Variants in SSTR1 observed in about 807,000 individuals in gnomAD.
SSTR1 encodes somatostatin receptor 1.
A neutral mutation model predicts 20.7 loss-of-function variants in SSTR1; 10 were observed. The observed-to-expected ratio is 0.48, with a 90% confidence interval of 0.30 to 0.82. The LOEUF is 0.82. Ranked by LOEUF, SSTR1 falls within the 40% of genes least tolerant of loss-of-function variation. The pLI, the probability that SSTR1 is intolerant of heterozygous loss-of-function variation, is 0.07. For missense variants in SSTR1, 494 were observed against 540.0 expected (o/e 0.91, Z 0.84); for synonymous variants, 267 against 227.8 (o/e 1.17, Z -1.55).
chr14:38,211,796 C>T lies in SSTR1; in HGVS notation c.*1231C>T, dbSNP rs1883336044. On this transcript the variant is annotated 3_prime_UTR_variant, in exon 3 of 3. Transcript: ENST00000267377. The stretch of plus-strand genomic sequence containing the variant: ...CAAGCGGTGCCTAAGAAGTTATTTT[C>T]TTGTTTAACATATATATTTATTAAT... 6.0e-6 allele frequency: 1 copy of T among 167,100 alleles called. No individual in the cohort carries two copies. The highest frequency in any genetic ancestry group is 1.5e-5 in the Non-Finnish European group (1 of 68,138). The allele number at this position is 167,100 out of a possible 1,614,324, so 10.4% of individuals were successfully genotyped here. A position where few individuals can be genotyped will look rare whatever the true frequency, so the allele number is the denominator to read the frequency against.
rs1167125985 is a variant in SSTR1 at position 38,210,147 on chromosome 14, T to C, written c.758T>C (p.Val253Ala). ...CTCATCATTGCTAAGATGCGCATGG[T>C]GGCCCTCAAGGCCGGCTGGCAGCAG... ...YVLIIAKMRM[V>A]ALKAGWQQRK... The change falls in exon 3 of 3, where the codon GTG (valine) becomes GCG (alanine). Residue 253 changes from valine (V) to alanine (A), a missense_variant. This residue lies in a region of SSTR1 where 280 missense variants were observed against 286.1 expected (regional missense o/e 0.98). Transcript: ENST00000267377. 1 of 1,614,270 alleles carries C rather than the reference T, an allele frequency of 6.2e-7. No individual in the cohort carries two copies.
chr14:38,209,455 C>T lies in SSTR1; in HGVS notation c.66C>T (p.Gly22=). 1.3e-6 allele frequency: 2 copies of T among 1,553,712 alleles called. No homozygotes were observed. Among genetic ancestry groups the T allele is most frequent in the South Asian group, 1.2e-5 (1 of 80,224 alleles). Residue 22 remains glycine, a synonymous_variant, in exon 3 of 3, where the codon GGC becomes GGT. Transcript: ENST00000267377. ...CTAGCCCCAGCCCGGGCAGCTGCGG[C>T]GAAGGCGGCGGCAGCAGGGGCCCCG... ...SSPSPSPGSC[G]EGGGSRGPGA...
At position 38,209,453 on chromosome 14, in the gene SSTR1, G is replaced by A. The variant is rs979959821; in HGVS notation, c.64G>A (p.Gly22Ser). The change falls in exon 3 of 3, where the codon GGC becomes AGC. Residue 22 changes from glycine to serine, a missense_variant. Gly to Ser is a moderately conservative substitution (Grantham distance 56). Coordinates refer to ENST00000267377, the MANE Select transcript of SSTR1 (RefSeq NM_001049.3). ...TCCTAGCCCCAGCCCGGGCAGCTGCGGCGAAGGCGGCGGCAGCAGGGGCCC... is the reference window on the plus strand; with the variant it reads ...TCCTAGCCCCAGCCCGGGCAGCTGCAGCGAAGGCGGCGGCAGCAGGGGCCC... ...SSPSPSPGSCGEGGGSRGPGA... is the reference protein window; with the variant it reads ...SSPSPSPGSCSEGGGSRGPGA... 2 of 1,553,006 alleles carry A rather than the reference G, an allele frequency of 1.3e-6. No homozygotes were observed. Among genetic ancestry groups the A allele is most frequent in the African/African-American group, 1.4e-5 (1 of 73,230 alleles).
In SSTR1 at chr14:38,212,818, A is replaced by G. The variant is rs1883355091; in HGVS notation, c.*2253A>G. On this transcript the variant is annotated 3_prime_UTR_variant, in exon 3 of 3. Transcript: ENST00000267377. ...GAAAGCAGTAACCAAGAGTTAAGAT[A>G]TCCCTAATGTTTTGCTTAAACTAAT... 6.0e-6 allele frequency: 1 copy of G among 167,096 alleles called. No homozygotes were observed. Among genetic ancestry groups the G allele is most frequent in the South Asian group, 2.1e-4 (1 of 4,830 alleles). 10.4% of individuals were successfully genotyped at this position (167,096 alleles called of 1,614,324 possible).
intron 1 of SSTR1, 84 bp from the exon 2 acceptor site, chr14:38,208,359 C>T (rs1313990272): frequency 6.6e-6 from 1 of 152,204 alleles, no homozygotes; most frequent in African/African-American, 2.4e-5. Context: ...CTGAACACTC[C>T]CAATAGCCTA....
rs33974002 is a variant in SSTR1 at position 38,211,443 on chromosome 14, A to G, written c.*878A>G. On this transcript the variant is annotated 3_prime_UTR_variant, in exon 3 of 3. Coordinates refer to ENST00000267377, the MANE Select transcript of SSTR1 (RefSeq NM_001049.3). Reference sequence around the variant, plus strand: ...TCACCCTCCTACTGCGCGTTTTCAAAGACCAAGCGCTGGGCGCTCCCGGGC... The same window carrying G: ...TCACCCTCCTACTGCGCGTTTTCAAGGACCAAGCGCTGGGCGCTCCCGGGC... The G allele has an allele frequency of 0.015, 2,544 of 167,246 alleles. 148 individuals are homozygous for G. The East Asian group carries it at 0.24, about 16-fold the overall frequency. The allele number at this position is 167,246 out of a possible 1,614,324, so 10.4% of individuals were successfully genotyped here. A position where few individuals can be genotyped will look rare whatever the true frequency, so the allele number is the denominator to read the frequency against.
At position 38,210,460 on chromosome 14, in the gene SSTR1, G is replaced by C; in HGVS notation, c.1071G>C (p.Ala357=). The C allele has an allele frequency of 6.2e-7, 1 of 1,614,002 alleles. No homozygotes were observed. Among genetic ancestry groups the C allele is most frequent in the Non-Finnish European group, 8.5e-7 (1 of 1,180,036 alleles). The change falls in exon 3 of 3, where the codon GCG becomes GCC. Residue 357 remains alanine (A), a synonymous_variant. Transcript: ENST00000267377. ...AEEPVDYYAT[A]LKSRAYSVED... ...AGCCGGTTGACTATTACGCCACCGC[G>C]CTCAAGAGCCGTGCCTACAGTGTGG... is the stretch of plus-strand genomic sequence containing the variant.
rs951900555 is a variant in SSTR1 at position 38,211,473 on chromosome 14, C to G, written c.*908C>G. ...AAGCGCTGGGCGCTCCCGGGCCGCG[C>G]GTCTGCGTTAGGCAGGGCAGGGTAG... is the stretch of plus-strand genomic sequence containing the variant. On this transcript the variant is annotated 3_prime_UTR_variant, in exon 3 of 3. Transcript: ENST00000267377. 3.6e-5 allele frequency: 6 copies of G among 167,352 alleles called. 1 individual carries two copies. The South Asian group carries it at 1.0e-3, about 29-fold the overall frequency. The allele number at this position is 167,352 out of a possible 1,614,324, so 10.4% of individuals were successfully genotyped here.
rs775691544 is a variant in SSTR1, at chr14:38,210,528, G to A, written c.1139G>A (p.Arg380His). 39 of 1,581,902 alleles carry A rather than the reference G, an allele frequency of 2.5e-5. 1 individual carries two copies. The African/African-American group carries it at 3.2e-4, about 13-fold the overall frequency. The part of the protein sequence containing the change: ...PENLESGGVF[R>H]NGTCTSRITT... ...AACCTGGAGTCCGGCGGCGTCTTCCGTAATGGCACCTGCACGTCCCGGATC... is the reference window on the plus strand; with the variant it reads ...AACCTGGAGTCCGGCGGCGTCTTCCATAATGGCACCTGCACGTCCCGGATC... The change falls in exon 3 of 3, where the codon CGT (arginine) becomes CAT (histidine). Residue 380 changes from arginine (R) to histidine (H), a missense_variant. This residue lies in a region of SSTR1 where 280 missense variants were observed against 286.1 expected (regional missense o/e 0.98). Transcript: ENST00000267377.
chr14:38,210,752 A>G lies in SSTR1; in HGVS notation c.*187A>G. 1.5e-6 allele frequency: 2 copies of G among 1,375,726 alleles called. No individual in the cohort carries two copies. The highest frequency in any genetic ancestry group is 9.6e-7 in the Non-Finnish European group (1 of 1,041,390). The allele number at this position is 1,375,726 out of a possible 1,614,324, so 85.2% of individuals were successfully genotyped here. A position where few individuals can be genotyped will look rare whatever the true frequency, so the allele number is the denominator to read the frequency against. ...AGGAACCCAAGAAAGGCGCGCGACA[A>G]TGGTAGAAGTGAGAGCTTTGCTTAT... On this transcript the variant is annotated 3_prime_UTR_variant, in exon 3 of 3. Coordinates refer to ENST00000267377, the MANE Select transcript of SSTR1 (RefSeq NM_001049.3).
At position 38,213,015 on chromosome 14, in the gene SSTR1, C is replaced by T. The variant is rs11552396; in HGVS notation, c.*2450C>T. On this transcript the variant is annotated 3_prime_UTR_variant, in exon 3 of 3. Transcript: ENST00000267377. Reference sequence around the variant, plus strand: ...GAGGATACAAATTTAGTGCTCTTAACTTGTTACCATTGTAATATTAACTAA... The same window carrying T: ...GAGGATACAAATTTAGTGCTCTTAATTTGTTACCATTGTAATATTAACTAA... The T allele has an allele frequency of 6.0e-6, 1 of 166,824 alleles. No homozygotes were observed. The highest frequency in any genetic ancestry group is 1.5e-5 in the Non-Finnish European group (1 of 68,078). The allele number at this position is 166,824 out of a possible 1,614,324, so 10.3% of individuals were successfully genotyped here. A position where few individuals can be genotyped will look rare whatever the true frequency, so the allele number is the denominator to read the frequency against.
At position 38,210,944 on chromosome 14, in the gene SSTR1, A is replaced by C; in HGVS notation, c.*379A>C. 5.0e-6 allele frequency: 1 copy of C among 201,598 alleles called. No individual in the cohort carries two copies. The highest frequency in any genetic ancestry group is 1.1e-5 in the Non-Finnish European group (1 of 90,580). The allele number at this position is 201,598 out of a possible 1,614,324, so 12.5% of individuals were successfully genotyped here. A position where few individuals can be genotyped will look rare whatever the true frequency, so the allele number is the denominator to read the frequency against. On this transcript the variant is annotated 3_prime_UTR_variant, in exon 3 of 3. Transcript: ENST00000267377. ...CAGATCACGAACTCATTAACAACTC[A>C]TTCTGATCCTCAGCCCCTCCAGTCG...
At position 38,211,309 on chromosome 14, in the gene SSTR1, C is replaced by T. The variant is rs1421233972; in HGVS notation, c.*744C>T. ...TCCCGCGCTTCGAACTCCAGGCTTTCTGGAGTTCCCACCCAAGCCCTCCTT... is the reference window on the plus strand; with the variant it reads ...TCCCGCGCTTCGAACTCCAGGCTTTTTGGAGTTCCCACCCAAGCCCTCCTT... On this transcript the variant is annotated 3_prime_UTR_variant, in exon 3 of 3. Coordinates refer to ENST00000267377, the MANE Select transcript of SSTR1 (RefSeq NM_001049.3). 6.0e-6 allele frequency: 1 copy of T among 166,936 alleles called. No homozygotes were observed. The highest frequency in any genetic ancestry group is 1.5e-5 in the Non-Finnish European group (1 of 68,098). The allele number at this position is 166,936 out of a possible 1,614,324, so 10.3% of individuals were successfully genotyped here.
Position 38,210,226 on chromosome 14 carries a change from G to A in SSTR1, c.837G>A (p.Val279=), listed in dbSNP as rs1883299706. The change falls in exon 3 of 3, where the codon GTG becomes GTA. Residue 279 remains valine (V), a synonymous_variant. Transcript: ENST00000267377. ...ITLMVMMVVM[V]FVICWMPFYV... ...TAATGGTGATGATGGTGGTGATGGT[G>A]TTTGTCATCTGCTGGATGCCTTTCT... is the stretch of plus-strand genomic sequence containing the variant. The A allele has an allele frequency of 6.2e-7, 1 of 1,614,266 alleles. No individual in the cohort carries two copies. The highest frequency in any genetic ancestry group is 2.2e-5 in the East Asian group (1 of 44,880).
rs1185506443 is a variant in SSTR1, at chr14:38,210,623, G to A, written c.*58G>A. 7.0e-6 allele frequency: 9 copies of A among 1,286,714 alleles called. No individual in the cohort carries two copies. The highest frequency in any genetic ancestry group is 2.5e-4 in the Middle Eastern group (1 of 3,938). The allele number at this position is 1,286,714 out of a possible 1,614,324, so 79.7% of individuals were successfully genotyped here. A position where few individuals can be genotyped will look rare whatever the true frequency, so the allele number is the denominator to read the frequency against. ...CACGCAGGGGCCCTGAGCCAAAAGA[G>A]GGGGAGAATGAGAAGGGAAGGCCGG... On this transcript the variant is annotated 3_prime_UTR_variant, in exon 3 of 3. Transcript: ENST00000267377.
Position 38,209,438 on chromosome 14 carries a change from A to T in SSTR1, c.49A>T (p.Ser17Cys). 1 of 1,549,400 alleles carries T rather than the reference A, an allele frequency of 6.5e-7. No individual in the cohort carries two copies. Among genetic ancestry groups the T allele is most frequent in the Non-Finnish European group, 8.7e-7 (1 of 1,149,122 alleles). ...ASSPSSSPSP[S>C]PGSCGEGGGS... ...CTCTCCTTCCTCCTCTCCTAGCCCC[A>T]GCCCGGGCAGCTGCGGCGAAGGCGG... The change falls in exon 3 of 3, where the codon AGC becomes TGC. Residue 17 changes from serine (S) to cysteine (C), a missense_variant. Around this residue, in one of 3 missense-constraint regions of SSTR1, gnomAD observed 98 missense variants for 79.3 expected, o/e 1.24. Coordinates refer to ENST00000267377, the MANE Select transcript of SSTR1 (RefSeq NM_001049.3).
In SSTR1 at chr14:38,209,237, G is replaced by A. The variant is rs1356035298; in HGVS notation, c.-153G>A. The A allele has an allele frequency of 1.0e-6, 1 of 997,350 alleles. No homozygotes were observed. Among genetic ancestry groups the A allele is most frequent in the East Asian group, 3.2e-5 (1 of 31,154 alleles). 61.8% of individuals were successfully genotyped at this position (997,350 alleles called of 1,614,324 possible). On this transcript the variant is annotated 5_prime_UTR_variant, in exon 3 of 3. Coordinates refer to ENST00000267377, the MANE Select transcript of SSTR1 (RefSeq NM_001049.3). ...GTGCGCCCCGCCGGCGCCGGTAGGA[G>A]CCGCGCTCCCCGCAGCGGTTGCGCT...
rs1883315301 is a variant in SSTR1, at chr14:38,210,826, G to C, written c.*261G>C. The C allele has an allele frequency of 1.3e-6, 1 of 774,028 alleles. No individual in the cohort carries two copies. The highest frequency in any genetic ancestry group is 1.9e-6 in the Non-Finnish European group (1 of 518,770). The allele number at this position is 774,028 out of a possible 1,614,324, so 47.9% of individuals were successfully genotyped here. On this transcript the variant is annotated 3_prime_UTR_variant, in exon 3 of 3. Coordinates refer to ENST00000267377, the MANE Select transcript of SSTR1 (RefSeq NM_001049.3). The stretch of plus-strand genomic sequence containing the variant: ...CCTTTTTCTGGGTCTCCCACTTTCT[G>C]TTCCTTCCTCCACTGCGCTTACTCC...
At position 38,210,064 on chromosome 14, in the gene SSTR1, G is replaced by A; in HGVS notation, c.675G>A (p.Leu225=). Residue 225 remains leucine (L), a synonymous_variant, in exon 3 of 3, where the codon TTG becomes TTA. Coordinates refer to ENST00000267377, the MANE Select transcript of SSTR1 (RefSeq NM_001049.3). ...AACGCTGGCTGGTGGGCTTCGTGTTGTACACATTTCTCATGGGCTTCCTGC... is the reference window on the plus strand; with the variant it reads ...AACGCTGGCTGGTGGGCTTCGTGTTATACACATTTCTCATGGGCTTCCTGC... ...PAQRWLVGFV[L]YTFLMGFLLP... 1.2e-6 allele frequency: 2 copies of A among 1,614,216 alleles called. No homozygotes were observed. The highest frequency in any genetic ancestry group is 1.7e-6 in the Non-Finnish European group (2 of 1,180,056).
Sources: allele counts gnomAD v4.1 joint callset, GRCh38; gene constraint gnomAD v4.1.1; regional missense constraint gnomAD v4.1.1; transcripts MANE v1.5; gene names NCBI Gene and HGNC (gene_info 2026-07-23, HGNC 2026-07-21).